The following DYNC2I1 variants were observed in gnomAD, a reference collection of about 807,000 sequenced individuals.
DYNC2I1 encodes the protein cytoplasmic dynein 2 intermediate chain 1.
A neutral mutation model predicts 133.4 loss-of-function variants in DYNC2I1; 89 were observed. The ratio of observed to expected loss-of-function variants is 0.67; its 90% CI spans 0.56 to 0.80. DYNC2I1 has a LOEUF of 0.80. Among genes scored for constraint, DYNC2I1 ranks in the 30% least tolerant of loss-of-function variants. The pLI, the probability that DYNC2I1 is intolerant of heterozygous loss-of-function variation, is 0.00. For synonymous variants in DYNC2I1, 504 were observed against 484.3 expected (o/e 1.04, Z -0.54); for missense variants, 1,291 against 1,314.5 (o/e 0.98, Z 0.28).
At chr7:158,851,275 G>A in the DYNC2I1 span, among the ~76,000 whole-genome samples, 1 of 152,144 alleles carries the variant, frequency 6.6e-6, no homozygotes, top group Non-Finnish European at 1.5e-5. Flanking sequence ...GTTCATGCCT[G>A]TAATCACAGC....
At chr7:158,878,732 G>C (rs111305290) in intron 4 of DYNC2I1, among the ~76,000 whole-genome samples, 7,351 of 133,972 alleles carry the variant, frequency 0.055, 265 homozygotes, top group African/African-American at 0.1. Context: ...AGGGCAGACT[G>C]TGAGTGCCGG....
At chr7:158,857,536 T>G (rs935221112) in intron 1 of DYNC2I1, among the ~76,000 whole-genome samples, 2 of 136,566 alleles carry the variant, frequency 1.5e-5, no homozygotes, top group East Asian at 2.7e-4. Flanking sequence ...AACCTTAGGT[T>G]TTTGTTTTTT....
intron 9 of DYNC2I1, among the ~76,000 whole-genome samples, chr7:158,902,021 A>T (rs1846305291): frequency 6.6e-6 from 1 of 152,188 alleles, no homozygotes; most frequent in Non-Finnish European, 1.5e-5. Flanking sequence ...TAATTAAATG[A>T]TTTTATAATT....
chr7:158,935,765 A>G (rs1478075960), intron 23 of DYNC2I1, among the ~76,000 whole-genome samples: 3 of 152,212 alleles, frequency 2.0e-5, no homozygotes, highest in Non-Finnish European at 4.4e-5. Flanking sequence ...TGAATAAAAG[A>G]ATGTAAAATG....
At chr7:158,840,198 G>A in the DYNC2I1 span, among the ~76,000 whole-genome samples, 1 of 151,906 alleles carries the variant, frequency 6.6e-6, no homozygotes, top group Non-Finnish European at 1.5e-5. Context: ...TTGGGAGGCT[G>A]AAGTGGGAGG....
intron 1 of DYNC2I1, among the ~76,000 whole-genome samples, chr7:158,860,982 C>G (rs977110067): frequency 6.6e-6 from 1 of 152,210 alleles, no homozygotes; most frequent in Non-Finnish European, 1.5e-5. Flanking sequence ...CATGAACTCT[C>G]CATTCAAAGC....
intron 8 of DYNC2I1, among the ~76,000 whole-genome samples, chr7:158,898,518 G>A (rs1309836373): frequency 6.6e-6 from 1 of 151,982 alleles, no homozygotes; most frequent in Non-Finnish European, 1.5e-5. Flanking sequence ...TCTTTACTTT[G>A]AAGTGTGCTG....
intron 3 of DYNC2I1, among the ~76,000 whole-genome samples, chr7:158,874,794 A>T (rs1310563991): frequency 6.6e-6 from 1 of 152,138 alleles, no homozygotes; most frequent in African/African-American, 2.4e-5. Flanking sequence ...CCTGAATTCC[A>T]GGCTTGTGTA....
rs754416685 is a variant in DYNC2I1, at chr7:158,887,040, A to G, written c.955A>G (p.Arg319Gly). ...TSSQHAENLV[R>G]NHGKDKDSRR... ...TTCCAGGCATGCTGAGAATTTAGTA[A>G]GGAATCATGGAAAAGATAAAGATTC... Residue 319 changes from arginine (R) to glycine (G), a missense_variant, in exon 7 of 25, where the codon AGG becomes GGG. Arg to Gly is a moderately radical substitution (Grantham distance 125). Transcript: ENST00000407559. The G allele has an allele frequency of 3.7e-5, 60 of 1,613,868 alleles. No homozygotes were observed. Among genetic ancestry groups the G allele is most frequent in the Non-Finnish European group, 4.7e-5 (56 of 1,179,872 alleles).
chr7:158,885,784 T>G (rs1457811497), intron 6 of DYNC2I1, among the ~76,000 whole-genome samples: 4 of 152,194 alleles, frequency 2.6e-5, no homozygotes, highest in Non-Finnish European at 5.9e-5. Context: ...CACTTAAACC[T>G]AGGGTGTCAA....
At chr7:158,854,503 G>C (rs1010815652), upstream of DYNC2I1, among the ~76,000 whole-genome samples, 1 of 151,582 alleles carries the variant, frequency 6.6e-6, no homozygotes, top group Non-Finnish European at 1.5e-5. Flanking sequence ...GTCTGTCGGG[G>C]GGGGCTGGGG....
chr7:158,881,189 A>C (rs1843969799), intron 5 of DYNC2I1, among the ~76,000 whole-genome samples: 1 of 152,228 alleles, frequency 6.6e-6, no homozygotes, highest in Non-Finnish European at 1.5e-5. Flanking sequence ...ATGGGGTCAG[A>C]GTCCTTTAAC....
intron 7 of DYNC2I1, 101 bp downstream of exon 7, chr7:158,887,176 G>A: frequency 8.4e-7 from 1 of 1,183,868 alleles, no homozygotes; most frequent in South Asian, 1.3e-5. Context: ...CCGAGACAGG[G>A]CTCATTTGCA....
Position 158,934,562 on chromosome 7 carries a change from G to T in DYNC2I1, c.2778+13G>T, listed in dbSNP as rs1383170764. 5.2e-6 allele frequency: 8 copies of T among 1,549,422 alleles called. No homozygotes were observed. Among genetic ancestry groups the T allele is most frequent in the Middle Eastern group, 1.7e-4 (1 of 5,998 alleles). On this transcript the variant is annotated intron_variant, in intron 23 of 24. Coordinates refer to ENST00000407559, the MANE Select transcript of DYNC2I1 (RefSeq NM_018051.5). The stretch of plus-strand genomic sequence containing the variant: ...ACCAATATTTTTGGTAAGAAAGTTT[G>T]TTTTTCAGAGCTCCAATTCTTCTTT...
chr7:158,854,725 T>G (rs1331125370), upstream of DYNC2I1, among the ~76,000 whole-genome samples: 2 of 152,216 alleles, frequency 1.3e-5, no homozygotes, highest in African/African-American at 2.4e-5. Context: ...CGACCAGGAA[T>G]GGACAAGGAC....
chr7:158,925,235 C>G (rs1359477979), intron 17 of DYNC2I1, among the ~76,000 whole-genome samples: 1 of 152,168 alleles, frequency 6.6e-6, no homozygotes, highest in Non-Finnish European at 1.5e-5. Flanking sequence ...CTTAGACACC[C>G]TGTAATTTAT....
intron 11 of DYNC2I1, among the ~76,000 whole-genome samples, chr7:158,907,020 G>T (rs770401577): frequency 3.3e-5 from 5 of 152,088 alleles, no homozygotes; most frequent in Non-Finnish European, 5.9e-5. Flanking sequence ...GAGTGCTTAG[G>T]TGGGAGATGG....
intron 11 of DYNC2I1, among the ~76,000 whole-genome samples, chr7:158,907,613 A>G (rs1224815074): frequency 6.9e-6 from 1 of 145,288 alleles, no homozygotes; most frequent in Non-Finnish European, 1.5e-5. Context: ...TCTTTCTTTT[A>G]CGTCTTCTGC....
At chr7:158,912,956 G>A (rs372728020) in intron 12 of DYNC2I1, 29 bp from the exon 13 acceptor site, 1 of 1,523,482 alleles carries the variant, frequency 6.6e-7, no homozygotes, top group African/African-American at 1.4e-5. Context: ...TGAAACCAAT[G>A]TTAATTTTGG....
Sources: gnomAD v4.1 joint callset for allele counts (sites outside exome capture counted in the v4.1 genomes callset) on GRCh38, gnomAD v4.1.1 for gene constraint, MANE v1.5 for transcripts, NCBI Gene and HGNC (gene_info 2026-07-23, HGNC 2026-07-21) for gene names.